Variants in CSMD2 observed in about 807,000 individuals in gnomAD.
CSMD2 encodes the protein CUB and sushi domain-containing protein 2.
In CSMD2, 130 loss-of-function variants were observed where a neutral mutation model predicts 398.5. That is an observed-to-expected ratio of 0.33 (90% confidence interval 0.28 to 0.38). The LOEUF (loss-of-function observed/expected upper bound fraction) is 0.38. Among genes scored for constraint, CSMD2 ranks in the 10% least tolerant of loss-of-function variants. The probability of loss-of-function intolerance (pLI) is 1.00; values close to 1 mark genes in which losing one functional copy is unlikely to be tolerated. For missense variants in CSMD2, 3,829 were observed against 4,764.9 expected (o/e 0.80, Z 5.78); for synonymous variants, 1,828 against 1,908.5 (o/e 0.96, Z 1.10).
intron 47 of CSMD2, 139 bp from the exon 48 acceptor site, chr1:33,581,038 T>C: frequency 1.3e-6 from 1 of 763,268 alleles, no homozygotes; most frequent in South Asian, 1.9e-5. Context: ...TCTCTCTGCA[T>C]CCACAGGCAT....
chr1:33,575,579 T>C (rs1659996670), intron 49 of CSMD2, among the ~76,000 whole-genome samples: 1 of 152,060 alleles, frequency 6.6e-6, no homozygotes, highest in Non-Finnish European at 1.5e-5. Context: ...GGAGAAGACA[T>C]GCACAGTAGT....
chr1:34,139,478 T>G (rs1639070793), intron 1 of CSMD2, among the ~76,000 whole-genome samples: 1 of 152,252 alleles, frequency 6.6e-6, no homozygotes, highest in African/African-American at 2.4e-5. Context: ...CTTCAGGTAA[T>G]TTTGTTCTTT....
At position 33,716,362 on chromosome 1, in the gene CSMD2, A is replaced by G. The variant is rs1303490954; in HGVS notation, c.3141T>C (p.Tyr1047=). Residue 1047 remains tyrosine (Y), a synonymous_variant, in exon 20 of 71, where the codon TAT becomes TAC. Transcript: ENST00000373381. ...RLPAPISAGL[Y]GNFTAQVRFI... Reference sequence around the variant, plus strand: ...AGCGGACCTGGGCAGTGAAGTTGCCATAGAGCCCAGCGCTGATGGGAGCTG... The same window carrying G: ...AGCGGACCTGGGCAGTGAAGTTGCCGTAGAGCCCAGCGCTGATGGGAGCTG... The G allele has an allele frequency of 2.5e-6, 4 of 1,614,064 alleles. No individual in the cohort carries two copies. In the African/African-American group the frequency reaches 5.3e-5, roughly 22 times the overall value.
At chr1:33,678,092 AAAACTT>A (rs1187341023) in intron 25 of CSMD2, among the ~76,000 whole-genome samples, 1 of 151,792 alleles carries the variant, frequency 6.6e-6, no homozygotes, top group East Asian at 1.9e-4. Context: ...CATATACCCT[AAAACTT>A]AAAGTATAAT....
intron 3 of CSMD2, among the ~76,000 whole-genome samples, chr1:33,993,575 G>A (rs867914447): frequency 4.0e-5 from 6 of 151,866 alleles, no homozygotes; most frequent in Non-Finnish European, 4.4e-5. Context: ...TCTCTCTCTC[G>A]TCACTTCTTT....
At chr1:33,527,703 C>T (rs540382337) in intron 64 of CSMD2, among the ~76,000 whole-genome samples, 28 of 152,278 alleles carry the variant, frequency 1.8e-4, no homozygotes, top group African/African-American at 5.5e-4. Flanking sequence ...GGTGCTAACA[C>T]TCCTAAGGGT....
chr1:34,018,170 G>T (rs543053012), intron 3 of CSMD2, among the ~76,000 whole-genome samples: 4 of 152,222 alleles, frequency 2.6e-5, no homozygotes, highest in East Asian at 1.9e-4. Flanking sequence ...TTGCATTCTG[G>T]TTTTTTCACA....
intron 29 of CSMD2, among the ~76,000 whole-genome samples, chr1:33,639,636 A>C (rs1642999321): frequency 6.6e-6 from 1 of 152,194 alleles, no homozygotes; most frequent in Non-Finnish European, 1.5e-5. Flanking sequence ...TTGGCACATA[A>C]TAGAGGCTTA....
intron 3 of CSMD2, among the ~76,000 whole-genome samples, chr1:33,948,148 A>G (rs1166161865): frequency 1.3e-5 from 2 of 152,194 alleles, no homozygotes; most frequent in Non-Finnish European, 2.9e-5. Context: ...AGGATCAGGA[A>G]CAGTAGGAAA....
chr1:33,724,404 A>G, intron 18 of CSMD2, 91 bp from the exon 19 acceptor site: 1 of 1,525,920 alleles, frequency 6.6e-7, no homozygotes, highest in South Asian at 1.2e-5. Context: ...CCATCTCTCG[A>G]AAGCCCAACC....
At chr1:33,590,981 C>CTTTTTTTTTT (rs11374822) in intron 44 of CSMD2, among the ~76,000 whole-genome samples, 23 of 67,158 alleles carry the variant, frequency 3.4e-4, no homozygotes, top group Non-Finnish European at 3.9e-4. Flanking sequence ...TTTTATTTAT[C>CTTTTTTTTTT]TTTTTTTTTT....
intron 13 of CSMD2, among the ~76,000 whole-genome samples, chr1:33,765,401 T>C (rs1329306777): frequency 1.3e-5 from 2 of 152,140 alleles, no homozygotes; most frequent in East Asian, 3.8e-4. Context: ...AAGTGGTGAC[T>C]CAAGAAATAG....
At chr1:33,874,831 G>T (rs898594971) in intron 5 of CSMD2, among the ~76,000 whole-genome samples, 1 of 152,180 alleles carries the variant, frequency 6.6e-6, no homozygotes, top group Non-Finnish European at 1.5e-5. Context: ...GAACAGATGC[G>T]GCTCTGTATT....
chr1:33,541,908 C>T (rs1773027), intron 58 of CSMD2, among the ~76,000 whole-genome samples: 1 of 151,896 alleles, frequency 6.6e-6, no homozygotes, highest in Admixed American at 6.6e-5. Context: ...GTTGTACCTA[C>T]GAGGCCTCTG....
chr1:34,028,633 G>A (rs1650007659), intron 3 of CSMD2, among the ~76,000 whole-genome samples: 2 of 152,202 alleles, frequency 1.3e-5, no homozygotes. Context: ...CTGGCCATCA[G>A]GCCCTAAGCT....
At position 33,700,607 on chromosome 1, in the gene CSMD2, C is replaced by A. The variant is rs370769624; in HGVS notation, c.3643G>T (p.Val1215Leu). The A allele has an allele frequency of 4.5e-5, 73 of 1,614,150 alleles. 1 individual carries two copies. In the South Asian group the frequency reaches 6.8e-4, roughly 15 times the overall value. Residue 1215 changes from valine to leucine, a missense_variant, in exon 23 of 71, where the codon GTG (valine) becomes TTG (leucine). Physicochemically the swap from Val to Leu is conservative, Grantham distance 32 (BLOSUM62 1). This residue lies in a region of CSMD2 where 2,001 missense variants were observed against 2,567.1 expected (regional missense o/e 0.78). Coordinates refer to ENST00000373381, the MANE Select transcript of CSMD2 (RefSeq NM_001281956.2). ...GVFSHSEMMG[V>L]TLNSTSSSLW... is the part of the protein sequence containing the mutation. Reference sequence around the variant, plus strand: ...CTGCTGGATGTGCTGTTCAAAGTCACCCCCATCATCTCAGAATGGCTAAAA... The same window carrying A: ...CTGCTGGATGTGCTGTTCAAAGTCAACCCCATCATCTCAGAATGGCTAAAA...
intron 1 of CSMD2, among the ~76,000 whole-genome samples, chr1:34,095,182 G>A (rs1280596065): frequency 8.8e-6 from 1 of 113,484 alleles, no homozygotes; most frequent in African/African-American, 3.5e-5. Context: ...CGAAATGAAG[G>A]CAGAAATAAA....
At chr1:33,682,772 C>T (rs1318357240) in intron 25 of CSMD2, among the ~76,000 whole-genome samples, 1 of 152,160 alleles carries the variant, frequency 6.6e-6, no homozygotes, top group Non-Finnish European at 1.5e-5. Context: ...CTCCCCCTTT[C>T]CCTTCTACCT....
chr1:33,730,806 G>GA (rs999095754), intron 15 of CSMD2, among the ~76,000 whole-genome samples: 9 of 151,994 alleles, frequency 5.9e-5, no homozygotes, highest in African/African-American at 2.2e-4. Flanking sequence ...AAGTAAAAAA[G>GA]AAAAAGTGTT....
Sources: gnomAD v4.1 joint callset for allele counts (sites outside exome capture counted in the v4.1 genomes callset) on GRCh38, gnomAD v4.1.1 for gene constraint, gnomAD v4.1.1 regional missense constraint, MANE v1.5 for transcripts, NCBI Gene and HGNC (gene_info 2026-07-23, HGNC 2026-07-21) for gene names.